KDM2B: variants seen among roughly 807,000 people sequenced by gnomAD.
The protein encoded by KDM2B is lysine demethylase 2B.
KDM2B carries 26 observed loss-of-function variants against 150.0 expected under a neutral mutation model. That is an observed-to-expected ratio of 0.17 (90% CI 0.13 to 0.24). The LOEUF (loss-of-function observed/expected upper bound fraction) is 0.24, where lower values mean the gene tolerates loss of function less well. Among genes scored for constraint, KDM2B ranks in the 10% least tolerant of loss-of-function variants. The pLI, the probability that KDM2B is intolerant of heterozygous loss-of-function variation, is 1.00. For missense variants in KDM2B, 1,265 were observed against 1,816.9 expected, an observed-to-expected ratio of 0.70 and a Z score of 5.52; for synonymous variants, 734 against 729.5, an observed-to-expected ratio of 1.01 and a Z score of -0.10.
chr12:121,461,581 T>G (rs1879125792), intron 12 of KDM2B, among the ~76,000 whole-genome samples: 1 of 152,126 alleles, frequency 6.6e-6, no homozygotes, highest in African/African-American at 2.4e-5. Context: ...ACATGGGGTA[T>G]GCAAGCAGAC....
chr12:121,421,066 C>T, the KDM2B span, among the ~76,000 whole-genome samples: 1 of 152,016 alleles, frequency 6.6e-6, no homozygotes, highest in African/African-American at 2.4e-5. Flanking sequence ...TTAAATTCCT[C>T]GTCTCTGTAA....
At position 121,441,771 on chromosome 12, in the gene KDM2B, G is replaced by C. The variant is rs372655229; in HGVS notation, c.3284+386C>G. ...GGCTTTACAACGCCCTCTACCGGCC[G>C]TTCCTCCAAACAACCCCCATGAAGC... On this transcript the variant is annotated intron_variant, in intron 19 of 22. Transcript: ENST00000377071. 7.2e-5 allele frequency among the ~76,000 whole-genome samples: 11 copies of C among 152,284 alleles called. No homozygotes were observed. The South Asian group carries it at 1.0e-3, about 14-fold the overall frequency.
chr12:121,516,927 G>A (rs1229551335), intron 9 of KDM2B: 11 of 652,880 alleles, frequency 1.7e-5, no homozygotes, highest in South Asian at 8.6e-5. Flanking sequence ...GGGAAGGGGA[G>A]AGGGAAGGTA....
chr12:121,459,931 G>A (rs1555293516), intron 12 of KDM2B, among the ~76,000 whole-genome samples: 1 of 152,006 alleles, frequency 6.6e-6, no homozygotes, highest in Non-Finnish European at 1.5e-5. Context: ...CTAGCAAGCA[G>A]TTAGTACTTA....
At chr12:121,472,698 T>G (rs782495194) in intron 12 of KDM2B, among the ~76,000 whole-genome samples, 2 of 152,212 alleles carry the variant, frequency 1.3e-5, no homozygotes, top group Non-Finnish European at 2.9e-5. Flanking sequence ...ATCTGAGACA[T>G]GTTTTTCCAC....
chr12:121,417,725 C>T, the KDM2B span: 2 of 1,614,088 alleles, frequency 1.2e-6, no homozygotes, highest in Non-Finnish European at 1.7e-6. This position sits in a 1 kb window ranked among gnomAD's most constrained non-coding sequence, Gnocchi z 5.0. Context: ...TAGTACTGTG[C>T]CATCATGGAC....
In KDM2B at chr12:121,430,520, C is replaced by A. The variant is rs782491092; in HGVS notation, c.3830-51G>T. ...GGTGTGAAGGCCAGGAGCCAGAAGC[C>A]CCCCCGCCGCCAGACCCAGGCACTC... On this transcript the variant is annotated intron_variant, in intron 22 of 22. Coordinates refer to ENST00000377071, the MANE Select transcript of KDM2B (RefSeq NM_032590.5). This position sits in a 1 kb window ranked among gnomAD's most constrained non-coding sequence, Gnocchi z 4.4. 4 of 1,402,826 alleles carry A rather than the reference C, an allele frequency of 2.9e-6. No individual in the cohort carries two copies. The highest frequency in any genetic ancestry group is 3.0e-6 in the Non-Finnish European group (3 of 989,884). The allele number at this position is 1,402,826 out of a possible 1,614,324, so 86.9% of individuals were successfully genotyped here.
chr12:121,492,368 C>T (rs112909952), intron 12 of KDM2B, among the ~76,000 whole-genome samples: 2,468 of 151,816 alleles, frequency 0.016, 75 homozygotes, highest in African/African-American at 0.057. Flanking sequence ...AGTGCAGTGG[C>T]GCCATCTCAG....
chr12:121,539,718 C>A (rs1324462681), intron 6 of KDM2B, among the ~76,000 whole-genome samples: 2 of 151,926 alleles, frequency 1.3e-5, no homozygotes, highest in Non-Finnish European at 2.9e-5. Context: ...CCTCATCAGC[C>A]CCTAATGTGT....
At chr12:121,547,370 A>G (rs894297189) in intron 6 of KDM2B, among the ~76,000 whole-genome samples, 2 of 151,180 alleles carry the variant, frequency 1.3e-5, no homozygotes, top group Non-Finnish European at 3.0e-5. Flanking sequence ...AATTAAAGAA[A>G]GAGAGAGAGA....
chr12:121,472,532 A>C (rs1383263804), intron 12 of KDM2B, among the ~76,000 whole-genome samples: 1 of 152,230 alleles, frequency 6.6e-6, no homozygotes, highest in African/African-American at 2.4e-5. Flanking sequence ...ATAGACTCTA[A>C]ATAGACTAAG....
chr12:121,463,923 T>C (rs1555294241), intron 12 of KDM2B, among the ~76,000 whole-genome samples: 1 of 150,186 alleles, frequency 6.7e-6, no homozygotes, highest in African/African-American at 2.5e-5. Flanking sequence ...TGTTTTCACA[T>C]CAAGAGAAAA....
At chr12:121,477,562 TTTTC>T (rs1288496615) in intron 12 of KDM2B, among the ~76,000 whole-genome samples, 2 of 142,444 alleles carry the variant, frequency 1.4e-5, no homozygotes, top group Non-Finnish European at 3.0e-5. Flanking sequence ...TTTTTTCTTC[TTTTC>T]TTTTTGTCTT....
In KDM2B at chr12:121,520,093, G is replaced by A. The variant is rs1232062746; in HGVS notation, c.1047+892C>T. Among the ~76,000 whole-genome samples the A allele has an allele frequency of 6.6e-6, 1 of 152,116 alleles. No homozygotes were observed. The highest frequency in any genetic ancestry group is 6.6e-5 in the Admixed American group (1 of 15,260). On this transcript the variant is annotated intron_variant, in intron 9 of 22. Transcript: ENST00000377071. The surrounding 1 kb of genome is among the most constrained non-coding windows in gnomAD (Gnocchi z 4.5). ...TTTGGTAAAGACAGGGTTTCATCAT[G>A]TTGGCCTGGCTGGTCTCGAACTCCT...
At chr12:121,434,369 A>G (rs945688719) in intron 22 of KDM2B, among the ~76,000 whole-genome samples, 15 of 148,898 alleles carry the variant, frequency 1.0e-4, no homozygotes, top group African/African-American at 3.7e-4. Context: ...GGTGGCACAC[A>G]CCTGTACTCC....
At chr12:121,463,621 C>T (rs1488823396) in intron 12 of KDM2B, among the ~76,000 whole-genome samples, 3 of 152,140 alleles carry the variant, frequency 2.0e-5, no homozygotes, top group African/African-American at 7.2e-5. Flanking sequence ...TACTCTGTCA[C>T]CCAAGCTGGA....
At chr12:121,539,760 G>C (rs185602011) in intron 6 of KDM2B, among the ~76,000 whole-genome samples, 1 of 151,940 alleles carries the variant, frequency 6.6e-6, no homozygotes, top group African/African-American at 2.4e-5. Flanking sequence ...TGTTTTTTAA[G>C]ACAGAGTCTT....
intron 11 of KDM2B, among the ~76,000 whole-genome samples, chr12:121,496,737 C>T (rs1883988288): frequency 6.6e-6 from 1 of 152,158 alleles, no homozygotes; most frequent in Non-Finnish European, 1.5e-5. Context: ...AGCAAAACAC[C>T]TGCCTCAGCC....
At chr12:121,579,723 C>CTAACCCTAACCCTAA in intron 1 of KDM2B, 1 of 1,434,174 alleles carries the variant, frequency 7.0e-7, no homozygotes, top group Non-Finnish European at 9.2e-7. Context: ...CAGCGCCCGG[C>CTAACCCTAACCCTAA]CCCTCAGCCC....
Sources: allele counts gnomAD v4.1 joint callset (sites outside exome capture counted in the v4.1 genomes callset), GRCh38; gene constraint gnomAD v4.1.1; non-coding constraint Gnocchi (gnomAD v3.1); transcripts MANE v1.5; gene names NCBI Gene and HGNC (gene_info 2026-07-23, HGNC 2026-07-21).